FNTB: variants seen among roughly 807,000 people sequenced by gnomAD.
The protein encoded by FNTB is farnesyltransferase, CAAX box, subunit beta.
In FNTB, 27 loss-of-function variants were observed where a neutral mutation model predicts 59.4. The observed-to-expected ratio is 0.45, with a 90% CI of 0.34 to 0.63. The LOEUF (loss-of-function observed/expected upper bound fraction) is 0.63, where lower values mean the gene tolerates loss of function less well. Ranked by LOEUF, FNTB falls within the 20% of genes least tolerant of loss-of-function variation. The probability of loss-of-function intolerance (pLI) is 0.02; values close to 1 mark genes in which losing one functional copy is unlikely to be tolerated. For synonymous variants in FNTB, 230 were observed against 220.7 expected, an observed-to-expected ratio of 1.04 and a Z score of -0.37; for missense variants, 449 against 559.6, an observed-to-expected ratio of 0.80 and a Z score of 1.99.
chr14:65,044,979 A>C lies in FNTB; in HGVS notation c.955+536A>C, dbSNP rs2062443637. 1.3e-5 allele frequency among the ~76,000 whole-genome samples: 2 copies of C among 152,144 alleles called. No homozygotes were observed. The highest frequency in any genetic ancestry group is 2.9e-5 in the Non-Finnish European group (2 of 68,014). On this transcript the variant is annotated intron_variant, in intron 9 of 11. Coordinates refer to ENST00000246166, the MANE Select transcript of FNTB (RefSeq NM_002028.4). The surrounding 1 kb of genome is among the most constrained non-coding windows in gnomAD (Gnocchi z 5.5). ...GGCTGCAGAGTTGTCACTATTAGAA[A>C]TGTTTTATTTTACATTCATTGAATA...
chr14:65,028,417 A>G lies in FNTB; in HGVS notation c.605+636A>G, dbSNP rs879304868. Among the ~76,000 whole-genome samples, 10 of 152,208 alleles carry G rather than the reference A, an allele frequency of 6.6e-5. No individual in the cohort carries two copies. Among genetic ancestry groups the G allele is most frequent in the Non-Finnish European group, 1.3e-4 (9 of 68,036 alleles). On this transcript the variant is annotated intron_variant, in intron 6 of 11. Transcript: ENST00000246166. This position sits in a 1 kb window ranked among gnomAD's most constrained non-coding sequence, Gnocchi z 4.4. ...AATTCATTGAATAAGCCATTTCTCT[A>G]AGACAGTGGCTTATTGAGATTTTAT... is the stretch of plus-strand genomic sequence containing the variant.
At chr14:65,026,822 A>T (rs1235533904) in intron 4 of FNTB, among the ~76,000 whole-genome samples, 1 of 151,754 alleles carries the variant, frequency 6.6e-6, no homozygotes, top group African/African-American at 2.4e-5. Context: ...AGATCACACC[A>T]CTGCACTGCA....
rs1406934865 is a variant in FNTB, at chr14:64,994,978, C to CA, written c.144+7882dup. On this transcript the variant is annotated intron_variant, in intron 1 of 11. Transcript: ENST00000246166. This position sits in a 1 kb window ranked among gnomAD's most constrained non-coding sequence, Gnocchi z 4.2. ...ACCCTTTTGTAATAACAGTTTAAAA[C>CA]ACAAGCACATTGTACTGCTGTACAA... Among the ~76,000 whole-genome samples, 2 of 152,100 alleles carry CA rather than the reference C, an allele frequency of 1.3e-5. No individual in the cohort carries two copies. The highest frequency in any genetic ancestry group is 2.9e-5 in the Non-Finnish European group (2 of 68,014).
rs980815296 is a variant in FNTB, at chr14:65,044,306, C to T, written c.823-5C>T. 1 of 1,612,992 alleles carries T rather than the reference C, an allele frequency of 6.2e-7. No individual in the cohort carries two copies. The highest frequency in any genetic ancestry group is 2.2e-5 in the East Asian group (1 of 44,808). Reference sequence around the variant, plus strand: ...CAACTGCCTTTCCCATCTGTGTCTCCTCAGCAATGGGTGACAAGCCGGCAG... The same window carrying T: ...CAACTGCCTTTCCCATCTGTGTCTCTTCAGCAATGGGTGACAAGCCGGCAG... On this transcript the variant is annotated splice_polypyrimidine_tract_variant and splice_region_variant and intron_variant, in intron 8 of 11. Transcript: ENST00000246166. The surrounding 1 kb of genome is among the most constrained non-coding windows in gnomAD (Gnocchi z 5.5).
At position 65,011,258 on chromosome 14, in the gene FNTB, G is replaced by A. The variant is rs544164900; in HGVS notation, c.210-1059G>A. Among the ~76,000 whole-genome samples, 208 of 151,990 alleles carry A rather than the reference G, an allele frequency of 1.4e-3. No homozygotes were observed. The highest frequency in any genetic ancestry group is 4.7e-3 in the African/African-American group (193 of 41,452). The stretch of plus-strand genomic sequence containing the variant: ...GCCTGGGCAACATGGTGAAACCCCC[G>A]TCTCCACTAAAAATACAAAAATTAG... On this transcript the variant is annotated intron_variant, in intron 2 of 11. Coordinates refer to ENST00000246166, the MANE Select transcript of FNTB (RefSeq NM_002028.4). This position sits in a 1 kb window ranked among gnomAD's most constrained non-coding sequence, Gnocchi z 4.0.
chr14:65,026,715 G>T (rs2061988500), intron 4 of FNTB, among the ~76,000 whole-genome samples: 1 of 151,964 alleles, frequency 6.6e-6, no homozygotes, highest in Admixed American at 6.6e-5. Flanking sequence ...ACAAAAAATT[G>T]GCTGGGCGTG....
rs1279924340 is a variant in FNTB at position 65,047,380 on chromosome 14, G to C, written c.955+2937G>C. Among the ~76,000 whole-genome samples the C allele has an allele frequency of 6.6e-6, 1 of 152,222 alleles. No individual in the cohort carries two copies. Among genetic ancestry groups the C allele is most frequent in the Non-Finnish European group, 1.5e-5 (1 of 68,056 alleles). On this transcript the variant is annotated intron_variant, in intron 9 of 11. Coordinates refer to ENST00000246166, the MANE Select transcript of FNTB (RefSeq NM_002028.4). This position sits in a 1 kb window ranked among gnomAD's most constrained non-coding sequence, Gnocchi z 5.2. ...CCAGACTAGCTGGCATCTGAACCCT[G>C]CCCTGCTCATAACCACAGTAGGTGG... is the stretch of plus-strand genomic sequence containing the variant.
At chr14:65,053,490 A>C (rs2062657374) in intron 10 of FNTB, 141 bp downstream of exon 10, 12 of 714,994 alleles carry the variant, frequency 1.7e-5, no homozygotes, top group Non-Finnish European at 2.3e-5. Context: ...GTATGGGAAA[A>C]AGCACCCAGT....
chr14:65,055,508 T>A (rs2062714098), intron 11 of FNTB, among the ~76,000 whole-genome samples: 2 of 152,168 alleles, frequency 1.3e-5, no homozygotes, highest in Admixed American at 6.6e-5. Context: ...AAAAAAATTT[T>A]TTTTTTAATT....
Position 65,023,435 on chromosome 14 carries a change from G to A in FNTB, c.375-4018G>A, listed in dbSNP as rs149983899. On this transcript the variant is annotated intron_variant, in intron 4 of 11. Coordinates refer to ENST00000246166, the MANE Select transcript of FNTB (RefSeq NM_002028.4). This position sits in a 1 kb window ranked among gnomAD's most constrained non-coding sequence, Gnocchi z 4.1. ...CTCCTTATAAGGCTGAGAGGCAATC[G>A]CTGATATCCCTGCTTTGAACTTGAC... is the stretch of plus-strand genomic sequence containing the variant. Among the ~76,000 whole-genome samples, 184 of 152,250 alleles carry A rather than the reference G, an allele frequency of 1.2e-3. 5 individuals carry two copies. The East Asian group carries it at 0.028, about 23-fold the overall frequency.
At chr14:65,025,077 T>C (rs992193955) in intron 4 of FNTB, among the ~76,000 whole-genome samples, 3 of 152,228 alleles carry the variant, frequency 2.0e-5, no homozygotes, top group African/African-American at 7.2e-5. Flanking sequence ...ATCAGAATGT[T>C]CTGTAATACG....
intron 7 of FNTB, among the ~76,000 whole-genome samples, chr14:65,035,059 T>A (rs956367294): frequency 6.6e-6 from 1 of 152,264 alleles, no homozygotes; most frequent in Non-Finnish European, 1.5e-5. Flanking sequence ...AAACTTGAAC[T>A]GAGTTTAAAT....
At chr14:64,988,899 A>G (rs1289882451) in intron 1 of FNTB, among the ~76,000 whole-genome samples, 1 of 152,112 alleles carries the variant, frequency 6.6e-6, no homozygotes, top group Non-Finnish European at 1.5e-5. Flanking sequence ...TCACTGTTTT[A>G]ATAATCATGT....
chr14:65,020,077 A>G (rs775496855), intron 4 of FNTB, among the ~76,000 whole-genome samples: 1 of 152,134 alleles, frequency 6.6e-6, no homozygotes, highest in Non-Finnish European at 1.5e-5. Context: ...CACGCCCCCT[A>G]CACTTACACA....
chr14:64,988,859 T>C (rs1198973764), intron 1 of FNTB, among the ~76,000 whole-genome samples: 1 of 152,216 alleles, frequency 6.6e-6, no homozygotes, highest in Admixed American at 6.5e-5. Context: ...AGTAGGATGA[T>C]AATGTTGTAT....
Position 65,027,873 on chromosome 14 carries a change from G to A in FNTB, c.605+92G>A. Reference sequence around the variant, plus strand: ...CAAGCCTAAGGAACATCATGGGGAAGCTGCTGCTTTGTCCCAGAATGACAC... The same window carrying A: ...CAAGCCTAAGGAACATCATGGGGAAACTGCTGCTTTGTCCCAGAATGACAC... On this transcript the variant is annotated intron_variant, in intron 6 of 11. Coordinates refer to ENST00000246166, the MANE Select transcript of FNTB (RefSeq NM_002028.4). This position sits in a 1 kb window ranked among gnomAD's most constrained non-coding sequence, Gnocchi z 5.7. 1 of 1,536,590 alleles carries A rather than the reference G, an allele frequency of 6.5e-7. No individual in the cohort carries two copies. The highest frequency in any genetic ancestry group is 8.9e-7 in the Non-Finnish European group (1 of 1,123,864).
chr14:65,010,673 A>C (rs2061668617), intron 2 of FNTB, among the ~76,000 whole-genome samples: 1 of 152,114 alleles, frequency 6.6e-6, no homozygotes, highest in African/African-American at 2.4e-5. Context: ...CTCATCTCAA[A>C]AACCTTCAGG....
intron 1 of FNTB, among the ~76,000 whole-genome samples, chr14:64,995,866 C>T (rs1446362684): frequency 1.3e-5 from 2 of 151,528 alleles, no homozygotes; most frequent in Middle Eastern, 3.2e-3. Flanking sequence ...TGCAATGGCT[C>T]ATATCTGTAA....
intron 1 of FNTB, among the ~76,000 whole-genome samples, chr14:65,000,616 C>G (rs11848900): frequency 1.3e-5 from 2 of 151,718 alleles, no homozygotes; most frequent in African/African-American, 2.4e-5. Context: ...GTCAGGAGAT[C>G]GAGACCATCC....
Sources: gnomAD v4.1 joint callset for allele counts (sites outside exome capture counted in the v4.1 genomes callset) on GRCh38, gnomAD v4.1.1 for gene constraint, Gnocchi (gnomAD v3.1) non-coding constraint, MANE v1.5 for transcripts, NCBI Gene and HGNC (gene_info 2026-07-23, HGNC 2026-07-21) for gene names.